The following MX2 variants were observed in gnomAD, a reference collection of about 807,000 sequenced individuals.
MX2 encodes the protein interferon-induced GTP-binding protein Mx2.
MX2 carries 51 observed loss-of-function variants against 74.0 expected under a neutral mutation model. The ratio of observed to expected loss-of-function variants is 0.69; its 90% CI spans 0.55 to 0.87. The LOEUF is 0.87. Ranked by LOEUF, MX2 falls within the 40% of genes least tolerant of loss-of-function variation. The probability of loss-of-function intolerance (pLI) is 0.00; values close to 1 mark genes in which losing one functional copy is unlikely to be tolerated. For synonymous variants in MX2, 369 were observed against 339.3 expected (o/e 1.09, Z -0.96); for missense variants, 832 against 908.7 (o/e 0.92, Z 1.09).
chr21:41,397,542 G>A (rs538616392), intron 7 of MX2, 71 bp from the exon 8 acceptor site: 25 of 1,415,612 alleles, frequency 1.8e-5, no homozygotes, highest in Admixed American at 1.4e-4. Context: ...CACCTACCAC[G>A]CACAAAGTCC....
At chr21:41,374,393 C>G (rs1324699276) in intron 1 of MX2, among the ~76,000 whole-genome samples, 1 of 152,226 alleles carries the variant, frequency 6.6e-6, no homozygotes, top group Admixed American at 6.5e-5. Context: ...TGCCCCTCGC[C>G]GAGTGGAGCC....
In MX2 at chr21:41,377,594, A is replaced by G. The variant is rs188940626; in HGVS notation, c.250-195A>G. 2.5e-3 allele frequency among the ~76,000 whole-genome samples: 381 copies of G among 152,216 alleles called. 1 individual carries two copies. The highest frequency in any genetic ancestry group is 4.6e-3 in the Non-Finnish European group (310 of 68,006). Reference sequence around the variant, plus strand: ...ACACCTGCAGCCAAATCCTCCCAGCATCTGCCCCTGTGAGGCCTCAATAGG... The same window carrying G: ...ACACCTGCAGCCAAATCCTCCCAGCGTCTGCCCCTGTGAGGCCTCAATAGG... On this transcript the variant is annotated intron_variant, in intron 2 of 13. Transcript: ENST00000330714.
chr21:41,385,464 TC>T (rs988050942), intron 5 of MX2, among the ~76,000 whole-genome samples: 2 of 152,162 alleles, frequency 1.3e-5, no homozygotes, highest in African/African-American at 4.8e-5. Flanking sequence ...GAAGGGCAGT[TC>T]CCCTGCACAC....
At chr21:41,370,810 G>A (rs2089316083) in intron 1 of MX2, among the ~76,000 whole-genome samples, 1 of 152,186 alleles carries the variant, frequency 6.6e-6, no homozygotes, top group South Asian at 2.1e-4. Flanking sequence ...TGTGTGTCTG[G>A]GCATAAGAAT....
At chr21:41,406,650 T>C in intron 12 of MX2, 94 bp from the exon 13 acceptor site, 1 of 1,295,216 alleles carries the variant, frequency 7.7e-7, no homozygotes, top group Non-Finnish European at 1.1e-6. Flanking sequence ...ATTCGTTTTA[T>C]TTCTGAGTTC....
At chr21:41,381,684 C>CAAAAAAAAAAAAAAAAAAAA (rs57350601) in intron 4 of MX2, among the ~76,000 whole-genome samples, 3 of 58,454 alleles carry the variant, frequency 5.1e-5, no homozygotes, top group African/African-American at 1.7e-4. Flanking sequence ...GACTCTGTCT[C>CAAAAAAAAAAAAAAAAAAAA]AAAAAAAAAA....
In MX2 at chr21:41,388,446, C is replaced by T. The variant is rs1338873024; in HGVS notation, c.733-2119C>T. On this transcript the variant is annotated intron_variant, in intron 5 of 13. Transcript: ENST00000330714. The surrounding 1 kb of genome is among the most constrained non-coding windows in gnomAD (Gnocchi z 4.0). ...TCCGCAGAGGGCATCCTTCATTCCT[C>T]GCGGGTTTCTGCTGCAAGGCTGCCC... Among the ~76,000 whole-genome samples the T allele has an allele frequency of 6.6e-6, 1 of 152,190 alleles. No individual in the cohort carries two copies. The highest frequency in any genetic ancestry group is 2.4e-5 in the African/African-American group (1 of 41,442).
At chr21:41,395,905 C>G in intron 7 of MX2, 120 bp downstream of exon 7, 1 of 935,110 alleles carries the variant, frequency 1.1e-6, no homozygotes, top group Admixed American at 2.7e-5. Flanking sequence ...ATAACCTAGC[C>G]TCACCTGATT....
intron 1 of MX2, among the ~76,000 whole-genome samples, chr21:41,369,191 G>A (rs963304013): frequency 2.0e-5 from 3 of 152,220 alleles, no homozygotes; most frequent in Non-Finnish European, 2.9e-5. Flanking sequence ...TGGGAGGAGG[G>A]GGGTGCAGGA....
In MX2 at chr21:41,380,130, G is replaced by T. The variant is rs768338740; in HGVS notation, c.556G>T (p.Val186Leu). 7 of 1,613,766 alleles carry T rather than the reference G, an allele frequency of 4.3e-6. No homozygotes were observed. The East Asian group carries it at 1.3e-4, about 31-fold the overall frequency. Residue 186 changes from valine to leucine, a missense_variant, in exon 4 of 14, where the codon GTG becomes TTG. Val to Leu is a conservative substitution (Grantham distance 32). Coordinates refer to ENST00000330714, the MANE Select transcript of MX2 (RefSeq NM_002463.2). The surrounding 1 kb of genome is among the most constrained non-coding windows in gnomAD (Gnocchi z 4.3). ...GCTAGAGCTTCAGGACCCTGGCCAG[G>T]TGGAGAAAGAGATACACAAAGGTGG... is the stretch of plus-strand genomic sequence containing the variant. ...TELELQDPGQ[V>L]EKEIHKAQNV...
chr21:41,386,162 G>A (rs2089570625), intron 5 of MX2, among the ~76,000 whole-genome samples: 1 of 128,284 alleles, frequency 7.8e-6, no homozygotes. Flanking sequence ...GGAGCTTGCA[G>A]TGAGCTGAGA....
At chr21:41,378,300 T>C (rs945890098) in intron 3 of MX2, among the ~76,000 whole-genome samples, 11 of 93,374 alleles carry the variant, frequency 1.2e-4, no homozygotes, top group African/African-American at 8.3e-4. Flanking sequence ...GAGAGACAGA[T>C]CACTGGGAGA....
chr21:41,382,400 G>A lies in MX2; in HGVS notation c.578-10G>A, dbSNP rs1272090117. The A allele has an allele frequency of 6.2e-7, 1 of 1,612,974 alleles. No individual in the cohort carries two copies. ...AGGGCTCTGGGTTTCTCCCCTCCTG[G>A]CCTCCATAGCCCAGAACGTCATGGC... On this transcript the variant is annotated splice_polypyrimidine_tract_variant and intron_variant, in intron 4 of 13. Transcript: ENST00000330714.
Position 41,408,266 on chromosome 21 carries a change from C to T in MX2, c.*33C>T, listed in dbSNP as rs182104973. The T allele has an allele frequency of 7.0e-4, 1,131 of 1,608,398 alleles. No individual in the cohort carries two copies. The highest frequency in any genetic ancestry group is 8.9e-4 in the Non-Finnish European group (1,047 of 1,176,758). ...CGATGCCTGTGGTTGTTTTCTTGTG[C>T]GTACTCATTCATTCTAAGGGGAGTC... On this transcript the variant is annotated 3_prime_UTR_variant, in exon 14 of 14. Transcript: ENST00000330714.
Position 41,399,414 on chromosome 21 carries a change from G to T in MX2, c.1414+77G>T, listed in dbSNP as rs916156355. 79 of 1,474,244 alleles carry T rather than the reference G, an allele frequency of 5.4e-5. 1 individual carries two copies. The highest frequency in any genetic ancestry group is 1.8e-4 in the Admixed American group (9 of 50,014). The allele number at this position is 1,474,244 out of a possible 1,614,324, so 91.3% of individuals were successfully genotyped here. The stretch of plus-strand genomic sequence containing the variant: ...AGAGGCTATGTCCAGCACATGATAA[G>T]TGTGCCAAGAGTGGAACACGTCCAT... On this transcript the variant is annotated intron_variant, in intron 10 of 13. Transcript: ENST00000330714.
intron 5 of MX2, among the ~76,000 whole-genome samples, chr21:41,387,900 G>T (rs938469197): frequency 2.0e-5 from 3 of 152,084 alleles, no homozygotes; most frequent in African/African-American, 7.2e-5. Flanking sequence ...CCTCCCAGTG[G>T]CTCAGGCCAT....
chr21:41,375,272 T>C (rs1263492829), intron 1 of MX2, among the ~76,000 whole-genome samples: 1 of 152,168 alleles, frequency 6.6e-6, no homozygotes, highest in Non-Finnish European at 1.5e-5. Context: ...GTGCCAGGAG[T>C]GAGGGCTTGG....
chr21:41,401,183 A>T (rs1281215140), intron 10 of MX2: 1 of 148,766 alleles, frequency 6.7e-6, no homozygotes, highest in East Asian at 1.9e-4. Context: ...ACAATTTGAG[A>T]TGAGATTTGG....
chr21:41,406,033 C>T (rs917263511), intron 12 of MX2, among the ~76,000 whole-genome samples: 1 of 151,196 alleles, frequency 6.6e-6, no homozygotes, highest in Non-Finnish European at 1.5e-5. Context: ...CTCTTGTCGT[C>T]CAGACTGGAG....
Sources: gnomAD v4.1 joint callset for allele counts (sites outside exome capture counted in the v4.1 genomes callset) on GRCh38, gnomAD v4.1.1 for gene constraint, Gnocchi (gnomAD v3.1) non-coding constraint, MANE v1.5 for transcripts, NCBI Gene and HGNC (gene_info 2026-07-23, HGNC 2026-07-21) for gene names.